The following APPL1 variants were observed in gnomAD, a reference collection of about 807,000 sequenced individuals.
The protein encoded by APPL1 is adaptor protein, phosphotyrosine interacting with PH domain and leucine zipper 1.
Under a neutral mutation model 106.8 loss-of-function variants are expected in APPL1, and 42 were observed. The ratio of observed to expected loss-of-function variants is 0.39; its 90% CI spans 0.31 to 0.51. APPL1 has a LOEUF of 0.51. APPL1 is among the 20% of genes least tolerant of loss of function. APPL1 has a pLI of 0.75. For missense variants in APPL1, 769 were observed against 858.2 expected, an observed-to-expected ratio of 0.90 and a Z score of 1.30; for synonymous variants, 263 against 281.8, an observed-to-expected ratio of 0.93 and a Z score of 0.67.
intron 9 of APPL1, 145 bp from the exon 10 acceptor site, chr3:57,248,048 A>T: frequency 1.3e-6 from 1 of 743,906 alleles, no homozygotes; most frequent in Non-Finnish European, 2.0e-6. Flanking sequence ...AACCTGTTTT[A>T]AAATATATTC....
chr3:57,247,575 G>A, intron 9 of APPL1, 98 bp downstream of exon 9: 3 of 800,422 alleles, frequency 3.7e-6, no homozygotes, highest in African/African-American at 1.8e-5. Flanking sequence ...TTTCCTGAGG[G>A]AATATTTTCC....
chr3:57,254,450 G>A (rs2107605879), intron 13 of APPL1, among the ~76,000 whole-genome samples: 1 of 152,322 alleles, frequency 6.6e-6, no homozygotes, highest in African/African-American at 2.4e-5. Context: ...TAGGTTTTGA[G>A]AATAGTTTTG....
At chr3:57,247,513 G>T in intron 9 of APPL1, 36 bp downstream of exon 9, 1 of 1,280,638 alleles carries the variant, frequency 7.8e-7, no homozygotes, top group Admixed American at 1.8e-5. Context: ...AAAATGAAAT[G>T]ATGTGAATGA....
At chr3:57,235,433 G>A in intron 1 of APPL1, 133 bp from the exon 2 acceptor site, 1 of 497,712 alleles carries the variant, frequency 2.0e-6, no homozygotes, top group Admixed American at 3.7e-5. Flanking sequence ...ACTATCAAAA[G>A]AGACAAAATA....
chr3:57,233,114 A>G (rs967400040), intron 1 of APPL1, among the ~76,000 whole-genome samples: 3 of 152,322 alleles, frequency 2.0e-5, no homozygotes, highest in Admixed American at 1.3e-4. Flanking sequence ...TTTACATGAG[A>G]GCTGTATATG....
intron 13 of APPL1, among the ~76,000 whole-genome samples, chr3:57,254,007 C>T (rs1267550885): frequency 2.0e-5 from 3 of 152,126 alleles, no homozygotes; most frequent in African/African-American, 7.2e-5. Flanking sequence ...AGATTACAGG[C>T]GTGTGCCATG....
In APPL1 at chr3:57,228,846, T is replaced by C. The variant is rs533821195; in HGVS notation, c.54+909T>C. Among the ~76,000 whole-genome samples, 407 of 152,340 alleles carry C rather than the reference T, an allele frequency of 2.7e-3. 5 individuals carry two copies. Among genetic ancestry groups the C allele is most frequent in the Middle Eastern group, 0.02 (6 of 294 alleles). On this transcript the variant is annotated intron_variant, in intron 1 of 21. Transcript: ENST00000288266. This position sits in a 1 kb window ranked among gnomAD's most constrained non-coding sequence, Gnocchi z 4.6. Reference sequence around the variant, plus strand: ...GTTGCTGGTTGGACACTATTTAGAATGAAACATTTCTGAATTGTTGCTGAT... The same window carrying C: ...GTTGCTGGTTGGACACTATTTAGAACGAAACATTTCTGAATTGTTGCTGAT...
intron 1 of APPL1, among the ~76,000 whole-genome samples, chr3:57,229,558 CTA>C (rs1414999187): frequency 1.3e-5 from 2 of 151,840 alleles, no homozygotes; most frequent in African/African-American, 2.4e-5. Context: ...GGGGATCTTG[CTA>C]TGTTTCCCAG....
At chr3:57,260,094 C>A in intron 17 of APPL1, 23 bp from the exon 18 acceptor site, 1 of 1,605,992 alleles carries the variant, frequency 6.2e-7, no homozygotes. Flanking sequence ...ATTTGTTTTC[C>A]AATTTTTAAA....
intron 4 of APPL1, among the ~76,000 whole-genome samples, chr3:57,239,139 T>C (rs959028655): frequency 1.7e-4 from 26 of 152,170 alleles, no homozygotes; most frequent in African/African-American, 5.1e-4. Context: ...GTGAAACTTA[T>C]TCACTACCAC....
In APPL1 at chr3:57,250,901, G is replaced by A. The variant is rs1021407538; in HGVS notation, c.1052+1353G>A. Among the ~76,000 whole-genome samples the A allele has an allele frequency of 1.7e-4, 24 of 139,492 alleles. No homozygotes were observed. The South Asian group carries it at 4.9e-3, about 28-fold the overall frequency. The allele number at this position is 139,492 out of a possible 152,430, so 91.5% of individuals were successfully genotyped here. ...CGGCTCACTGCAAGCTCCGCCTCCC[G>A]GGTTCACGCCATTCTCCTGCCTCAG... On this transcript the variant is annotated intron_variant, in intron 11 of 21. Coordinates refer to ENST00000288266, the MANE Select transcript of APPL1 (RefSeq NM_012096.3).
rs758848028 is a variant in APPL1, at chr3:57,235,631, G to C, written c.120G>C (p.Leu40Phe). 6.8e-6 allele frequency: 11 copies of C among 1,613,340 alleles called. No homozygotes were observed. The highest frequency in any genetic ancestry group is 1.3e-5 in the African/African-American group (1 of 74,914). The change falls in exon 2 of 22, where the codon TTG becomes TTC. Residue 40 changes from leucine to phenylalanine, a missense_variant. Physicochemically the swap from Leu to Phe is conservative, Grantham distance 22 (BLOSUM62 0). Transcript: ENST00000288266. ...CTATTTCCAACTATATGAACCAGTT[G>C]TATCAAGCTATGCATCGGATTTATG... ...ATAISNYMNQ[L>F]YQAMHRIYDA...
At chr3:57,244,520 A>G (rs2060763011) in intron 7 of APPL1, among the ~76,000 whole-genome samples, 1 of 152,168 alleles carries the variant, frequency 6.6e-6, no homozygotes, top group African/African-American at 2.4e-5. Flanking sequence ...ACCAGTTTGG[A>G]ATCGGAGAGA....
At position 57,227,865 on chromosome 3, in the gene APPL1, C is replaced by A; in HGVS notation, c.-19C>A. 6.9e-7 allele frequency: 1 copy of A among 1,458,210 alleles called. No homozygotes were observed. The highest frequency in any genetic ancestry group is 9.1e-7 in the Non-Finnish European group (1 of 1,102,710). The allele number at this position is 1,458,210 out of a possible 1,614,324, so 90.3% of individuals were successfully genotyped here. A position where few individuals can be genotyped will look rare whatever the true frequency, so the allele number is the denominator to read the frequency against. ...TGGGCGGCAGCTGCGTCTCCTGCCA[C>A]CGCCCTCCCTCCGCCACGATGCCGG... On this transcript the variant is annotated 5_prime_UTR_variant, in exon 1 of 22. Coordinates refer to ENST00000288266, the MANE Select transcript of APPL1 (RefSeq NM_012096.3).
rs766008211 is a variant in APPL1, at chr3:57,259,950, C to G, written c.1589C>G (p.Ala530Gly). Residue 530 changes from alanine (A) to glycine (G), a missense_variant, in exon 17 of 22, where the codon GCT becomes GGT. By Grantham distance (60) the Ala-to-Gly change is moderately conservative. Transcript: ENST00000288266. Reference sequence around the variant, plus strand: ...TATGAAACTATGCGCCAAATCTTAGCTGCCCGGGCCATCCATAACATCTTT... The same window carrying G: ...TATGAAACTATGCGCCAAATCTTAGGTGCCCGGGCCATCCATAACATCTTT... ...VVYETMRQILAARAIHNIFRM... is the reference protein window; with the variant it reads ...VVYETMRQILGARAIHNIFRM... 6 of 1,613,912 alleles carry G rather than the reference C, an allele frequency of 3.7e-6. No individual in the cohort carries two copies. Among genetic ancestry groups the G allele is most frequent in the Non-Finnish European group, 5.1e-6 (6 of 1,180,010 alleles).
chr3:57,265,778 G>A (rs1385535395), intron 19 of APPL1, among the ~76,000 whole-genome samples: 1 of 152,008 alleles, frequency 6.6e-6, no homozygotes, highest in African/African-American at 2.4e-5. Context: ...CCATCTAAAA[G>A]GTGGAAAGGC....
intron 1 of APPL1, among the ~76,000 whole-genome samples, chr3:57,233,498 AC>A (rs374122351): frequency 0.023 from 3,447 of 151,782 alleles, 53 homozygotes; most frequent in South Asian, 0.034. Context: ...AAAAAAAAAA[AC>A]AAAACAGAAA....
At chr3:57,268,678 C>G (rs1312677825) in intron 21 of APPL1, 191 bp downstream of exon 21, 5 of 436,354 alleles carry the variant, frequency 1.1e-5, no homozygotes, top group Non-Finnish European at 1.9e-5. Context: ...ATTATAGTTA[C>G]GTTGACATGT....
chr3:57,237,686 C>T (rs2060723826), intron 3 of APPL1, 135 bp downstream of exon 3: 4 of 607,290 alleles, frequency 6.6e-6, no homozygotes, highest in South Asian at 2.6e-5. Flanking sequence ...CACTTATGTT[C>T]AGATAATTTT....
Sources: allele counts gnomAD v4.1 joint callset (sites outside exome capture counted in the v4.1 genomes callset), GRCh38; gene constraint gnomAD v4.1.1; non-coding constraint Gnocchi (gnomAD v3.1); transcripts MANE v1.5; gene names NCBI Gene and HGNC (gene_info 2026-07-23, HGNC 2026-07-21).